The following CCDC138 variants were observed in gnomAD, a reference collection of about 807,000 sequenced individuals.
The protein encoded by CCDC138 is coiled-coil domain containing 138.
Under a neutral mutation model 82.3 loss-of-function variants are expected in CCDC138, and 66 were observed. The ratio of observed to expected loss-of-function variants is 0.80; its 90% CI spans 0.66 to 0.98. The LOEUF is 0.98. Among genes scored for constraint, CCDC138 ranks in the 50% least tolerant of loss-of-function variants. The probability of loss-of-function intolerance (pLI) is 0.00; values close to 1 mark genes in which losing one functional copy is unlikely to be tolerated. For missense variants in CCDC138, 816 were observed against 758.9 expected (o/e 1.08, Z -0.88); for synonymous variants, 297 against 265.4 (o/e 1.12, Z -1.16).
downstream of CCDC138, among the ~76,000 whole-genome samples, chr2:108,880,812 C>G (rs971955722): frequency 1.3e-5 from 2 of 152,194 alleles, no homozygotes; most frequent in East Asian, 1.9e-4. Flanking sequence ...GACCAAAGAG[C>G]TCTACCATGG....
At chr2:108,813,207 C>A (rs1477571415) in intron 9 of CCDC138, among the ~76,000 whole-genome samples, 1 of 138,492 alleles carries the variant, frequency 7.2e-6, no homozygotes, top group African/African-American at 2.8e-5. Flanking sequence ...CGAGATTGCA[C>A]CACTGCACTC....
chr2:108,811,243 C>CTTT (rs777748122), intron 7 of CCDC138, among the ~76,000 whole-genome samples: 1 of 28,700 alleles, frequency 3.5e-5, no homozygotes, highest in Non-Finnish European at 6.5e-5. Flanking sequence ...TTCTTTCTCT[C>CTTT]TCTCTTTTTT....
chr2:108,876,296 A>G lies in CCDC138; in HGVS notation c.*43A>G, dbSNP rs777952529. 3.7e-6 allele frequency: 4 copies of G among 1,094,066 alleles called. No individual in the cohort carries two copies. In the African/African-American group the frequency reaches 4.8e-5, roughly 13 times the overall value. The allele number at this position is 1,094,066 out of a possible 1,614,324, so 67.8% of individuals were successfully genotyped here. On this transcript the variant is annotated 3_prime_UTR_variant, in exon 15 of 15. Transcript: ENST00000295124. ...TATAGTATATGTGGTGCTTATTTAT[A>G]AACATGTAGAAATTACCAAAGTAAC...
intron 12 of CCDC138, among the ~76,000 whole-genome samples, chr2:108,852,670 A>G (rs1462077531): frequency 1.3e-5 from 2 of 152,202 alleles, no homozygotes; most frequent in African/African-American, 4.8e-5. Flanking sequence ...CAAATAACAC[A>G]TGTTCTCATT....
intron 12 of CCDC138, among the ~76,000 whole-genome samples, chr2:108,853,934 TTATA>T (rs1027891078): frequency 1.6e-5 from 2 of 122,874 alleles, no homozygotes; most frequent in African/African-American, 3.2e-5. Context: ...TATATATAAT[TTATA>T]TATAATATAC....
intron 11 of CCDC138, among the ~76,000 whole-genome samples, chr2:108,842,153 G>A (rs572522427): frequency 1.2e-4 from 18 of 151,498 alleles, no homozygotes; most frequent in African/African-American, 1.7e-4. Flanking sequence ...TCAGCCTCCT[G>A]TGTAGCTAGG....
At chr2:108,796,040 T>A (rs1461549538) in intron 5 of CCDC138, among the ~76,000 whole-genome samples, 2 of 152,060 alleles carry the variant, frequency 1.3e-5, no homozygotes, top group African/African-American at 4.8e-5. Flanking sequence ...AGTCTATAGT[T>A]TATTTTTATT....
chr2:108,855,944 C>T (rs13410858), intron 12 of CCDC138, among the ~76,000 whole-genome samples: 10,938 of 152,108 alleles, frequency 0.072, 502 homozygotes, highest in South Asian at 0.15. Context: ...ATAGCATGAA[C>T]GGTTTTTTTT....
At chr2:108,843,586 G>A (rs577778259) in intron 11 of CCDC138, among the ~76,000 whole-genome samples, 1 of 152,244 alleles carries the variant, frequency 6.6e-6, no homozygotes, top group East Asian at 1.9e-4. Flanking sequence ...TTCAGTACTT[G>A]AAAAATGTGC....
At chr2:108,789,986 GA>G (rs898258910) in intron 3 of CCDC138, among the ~76,000 whole-genome samples, 1 of 152,146 alleles carries the variant, frequency 6.6e-6, no homozygotes, top group African/African-American at 2.4e-5. Context: ...ATTGTGGAGA[GA>G]AAAAATAATT....
At chr2:108,840,325 A>T (rs1434741696) in intron 11 of CCDC138, among the ~76,000 whole-genome samples, 1 of 152,108 alleles carries the variant, frequency 6.6e-6, no homozygotes, top group African/African-American at 2.4e-5. Flanking sequence ...TTGGTTTTGT[A>T]TCAGGGCAAT....
intron 11 of CCDC138, among the ~76,000 whole-genome samples, chr2:108,839,644 T>A (rs1689132971): frequency 6.6e-6 from 1 of 152,126 alleles, no homozygotes; most frequent in Non-Finnish European, 1.5e-5. Context: ...CAATTTTAGT[T>A]GGTATTGTCT....
At chr2:108,875,888 G>C (rs1201150762) in intron 14 of CCDC138, among the ~76,000 whole-genome samples, 200 bp from the exon 15 acceptor site, 1 of 152,080 alleles carries the variant, frequency 6.6e-6, no homozygotes, top group Non-Finnish European at 1.5e-5. Context: ...TTTTTCCCCA[G>C]TGGTTTTCTG....
intron 14 of CCDC138, among the ~76,000 whole-genome samples, chr2:108,875,577 G>T (rs1695908867): frequency 6.6e-6 from 1 of 152,140 alleles, no homozygotes; most frequent in Non-Finnish European, 1.5e-5. Context: ...ATGGTTCCAG[G>T]CTGGGCACAG....
chr2:108,867,590 C>T (rs1406712306), intron 13 of CCDC138, among the ~76,000 whole-genome samples: 1 of 152,088 alleles, frequency 6.6e-6, no homozygotes, highest in African/African-American at 2.4e-5. Context: ...ATCTTGAGTG[C>T]ATTTCACACC....
At chr2:108,864,897 G>T (rs550152050) in intron 13 of CCDC138, among the ~76,000 whole-genome samples, 1 of 151,768 alleles carries the variant, frequency 6.6e-6, no homozygotes. Flanking sequence ...GGAGTTCAAC[G>T]TTGTACTGAG....
chr2:108,787,754 C>G (rs1020788850), intron 1 of CCDC138, among the ~76,000 whole-genome samples: 1 of 150,986 alleles, frequency 6.6e-6, no homozygotes, highest in Non-Finnish European at 1.5e-5. Flanking sequence ...TGGATTGTTT[C>G]TCCGTTTGGG....
At chr2:108,808,890 G>A (rs754220561) in intron 7 of CCDC138, among the ~76,000 whole-genome samples, 28 of 152,006 alleles carry the variant, frequency 1.8e-4, no homozygotes, top group Non-Finnish European at 3.4e-4. Context: ...TAGTATCTTT[G>A]CCCAGGCGAT....
At chr2:108,806,298 A>G (rs925674471) in intron 7 of CCDC138, among the ~76,000 whole-genome samples, 2 of 152,236 alleles carry the variant, frequency 1.3e-5, no homozygotes, top group Admixed American at 6.5e-5. Context: ...CCTAGCATAG[A>G]TAAACTGTTG....
Sources: gnomAD v4.1 joint callset for allele counts (sites outside exome capture counted in the v4.1 genomes callset) on GRCh38, gnomAD v4.1.1 for gene constraint, MANE v1.5 for transcripts, NCBI Gene and HGNC (gene_info 2026-07-23, HGNC 2026-07-21) for gene names.